EGLN1: variants seen among roughly 807,000 people sequenced by gnomAD.
The protein encoded by EGLN1 is egl nine homolog 1.
A neutral mutation model predicts 38.3 loss-of-function variants in EGLN1; 17 were observed. The observed-to-expected ratio is 0.44, with a 90% CI of 0.30 to 0.67. The LOEUF is 0.67. EGLN1 is among the 30% of genes least tolerant of loss of function. The probability of loss-of-function intolerance (pLI) is 0.08; values close to 1 mark genes in which losing one functional copy is unlikely to be tolerated. For missense variants in EGLN1, 477 were observed against 603.3 expected (o/e 0.79, Z 2.19); for synonymous variants, 283 against 257.5 (o/e 1.10, Z -0.95).
intron 1 of EGLN1, among the ~76,000 whole-genome samples, chr1:231,386,118 T>G (rs1402675530): frequency 8.8e-5 from 3 of 33,968 alleles, no homozygotes; most frequent in Non-Finnish European, 3.8e-4. Flanking sequence ...GCCCGGCTGG[T>G]TTTTTTTTTC....
intron 1 of EGLN1, among the ~76,000 whole-genome samples, chr1:231,418,229 T>C (rs1042297543): frequency 1.3e-5 from 2 of 152,224 alleles, no homozygotes; most frequent in Non-Finnish European, 2.9e-5. Context: ...AAGTGGCTTT[T>C]AAGCCACTAT....
intron 1 of EGLN1, among the ~76,000 whole-genome samples, chr1:231,406,180 T>G (rs1255795603): frequency 7.6e-6 from 1 of 130,976 alleles, no homozygotes; most frequent in African/African-American, 3.0e-5. Context: ...AAAAAAAAAA[T>G]TTCAGGTTAA....
intron 1 of EGLN1, among the ~76,000 whole-genome samples, chr1:231,393,749 TTCC>T (rs1242429224): frequency 6.6e-6 from 1 of 152,154 alleles, no homozygotes; most frequent in Non-Finnish European, 1.5e-5. Flanking sequence ...GCCTCCATGC[TTCC>T]TCATCACACC....
At chr1:231,395,077 T>A (rs1240524908) in intron 1 of EGLN1, among the ~76,000 whole-genome samples, 1 of 152,198 alleles carries the variant, frequency 6.6e-6, no homozygotes, top group African/African-American at 2.4e-5. Context: ...GGGAGCAATA[T>A]TTAGAGAAAA....
intron 1 of EGLN1, among the ~76,000 whole-genome samples, chr1:231,405,614 G>C (rs926652272): frequency 6.6e-6 from 1 of 152,136 alleles, no homozygotes; most frequent in Non-Finnish European, 1.5e-5. Context: ...CAGTAGTAGA[G>C]AGCCAGATGA....
At chr1:231,405,990 A>ACCCAATT (rs1558393533) in intron 1 of EGLN1, among the ~76,000 whole-genome samples, 1 of 12,556 alleles carries the variant, frequency 8.0e-5, no homozygotes, top group African/African-American at 3.1e-4. Flanking sequence ...CCCCACCCCC[A>ACCCAATT]CCCAATTCCC....
chr1:231,408,092 C>T (rs1428798658), intron 1 of EGLN1, among the ~76,000 whole-genome samples: 1 of 152,112 alleles, frequency 6.6e-6, no homozygotes, highest in Non-Finnish European at 1.5e-5. Context: ...ACCTTTCCTT[C>T]CCCTGCCCTT....
intron 1 of EGLN1, among the ~76,000 whole-genome samples, chr1:231,417,558 A>G (rs1340973747): frequency 6.6e-6 from 1 of 152,096 alleles, no homozygotes; most frequent in Non-Finnish European, 1.5e-5. Context: ...CATATCATTG[A>G]GACTCTTCTT....
At chr1:231,403,607 C>G (rs1418508899) in intron 1 of EGLN1, among the ~76,000 whole-genome samples, 1 of 151,540 alleles carries the variant, frequency 6.6e-6, no homozygotes, top group Non-Finnish European at 1.5e-5. Flanking sequence ...CCTGTCTCTA[C>G]TAAAAATACA....
Position 231,421,672 on chromosome 1 carries a change from G to A in EGLN1, c.217C>T (p.Gln73Ter), listed in dbSNP as rs1656621073. ...GCCGGCGGCGCGGGGCCGGAATGCT[G>A]GTGTGGGCCCACTCCGTGGCCGAGG... is the stretch of plus-strand genomic sequence containing the variant. ...GALGHGVGPH[Q>*]HSGPAPPAAV... The change falls in exon 1 of 5, where the codon CAG (glutamine) becomes TAG (stop). Residue 73 changes from glutamine to a stop codon, truncating the protein, a stop_gained. Transcript: ENST00000366641. LOFTEE classifies it high-confidence loss of function. The surrounding 1 kb of genome is among the most constrained non-coding windows in gnomAD (Gnocchi z 5.5). 6.7e-7 allele frequency: 1 copy of A among 1,490,262 alleles called. No homozygotes were observed. Among genetic ancestry groups the A allele is most frequent in the Non-Finnish European group, 8.9e-7 (1 of 1,125,944 alleles). The allele number at this position is 1,490,262 out of a possible 1,614,324, so 92.3% of individuals were successfully genotyped here.
intron 1 of EGLN1, among the ~76,000 whole-genome samples, chr1:231,412,768 G>GT (rs1234784133): frequency 6.6e-6 from 1 of 152,194 alleles, no homozygotes; most frequent in Non-Finnish European, 1.5e-5. Flanking sequence ...TGGCTGGGAA[G>GT]TAAGTGTCAG....
At chr1:231,410,457 G>A (rs2486724) in intron 1 of EGLN1, among the ~76,000 whole-genome samples, 23,026 of 152,140 alleles carry the variant, frequency 0.15, 2,144 homozygotes, top group African/African-American at 0.25. Flanking sequence ...ACTGCAGCCT[G>A]TGAGAAATAG....
intron 1 of EGLN1, chr1:231,420,142 C>T (rs1486074281): frequency 6.6e-6 from 1 of 152,144 alleles, no homozygotes; most frequent in East Asian, 1.9e-4. Flanking sequence ...GGAGGAAAAA[C>T]CGCAATAGTA....
In EGLN1 at chr1:231,366,493, A is replaced by G; in HGVS notation, c.1217-18T>C. 1 of 1,613,272 alleles carries G rather than the reference A, an allele frequency of 6.2e-7. No homozygotes were observed. The highest frequency in any genetic ancestry group is 1.1e-5 in the South Asian group (1 of 91,030). ...TTTTTCACCTGCAAGGTAAAAAAAA[A>G]AAAAATTTTCATTCATTCACTAAGC... On this transcript the variant is annotated intron_variant, in intron 4 of 4. Transcript: ENST00000366641.
chr1:231,399,225 A>ATTAT (rs2102923838), intron 1 of EGLN1, among the ~76,000 whole-genome samples: 1 of 152,220 alleles, frequency 6.6e-6, no homozygotes, highest in Non-Finnish European at 1.5e-5. Flanking sequence ...AGTGTTTCAG[A>ATTAT]CCCTATACTG....
chr1:231,373,174 T>C (rs1026132468), intron 2 of EGLN1, among the ~76,000 whole-genome samples: 1 of 152,192 alleles, frequency 6.6e-6, no homozygotes, highest in Non-Finnish European at 1.5e-5. Flanking sequence ...CTAATTGGTT[T>C]TACAGGGCTT....
chr1:231,391,973 AAAGC>A (rs1688401110), intron 1 of EGLN1, among the ~76,000 whole-genome samples: 1 of 152,222 alleles, frequency 6.6e-6, no homozygotes, highest in African/African-American at 2.4e-5. Context: ...CTAAACATAA[AAAGC>A]CACTTATAAG....
chr1:231,421,693 C>G lies in EGLN1; in HGVS notation c.196G>C (p.Gly66Arg). 4.0e-6 allele frequency: 6 copies of G among 1,511,170 alleles called. No individual in the cohort carries two copies. Among genetic ancestry groups the G allele is most frequent in the Non-Finnish European group, 5.3e-6 (6 of 1,135,668 alleles). 93.6% of individuals were successfully genotyped at this position (1,511,170 alleles called of 1,614,324 possible). Residue 66 changes from glycine (G) to arginine (R), a missense_variant, in exon 1 of 5, where the codon GGC (glycine) becomes CGC (arginine). By Grantham distance (125) the Gly-to-Arg change is moderately radical. Transcript: ENST00000366641. The surrounding 1 kb of genome is among the most constrained non-coding windows in gnomAD (Gnocchi z 5.5). ...LVCQGSEGALGHGVGPHQHSG... is the reference protein window; with the variant it reads ...LVCQGSEGALRHGVGPHQHSG... ...TGCTGGTGTGGGCCCACTCCGTGGCCGAGGGCGCCCTCGCTGCCCTGGCAC... is the reference window on the plus strand; with the variant it reads ...TGCTGGTGTGGGCCCACTCCGTGGCGGAGGGCGCCCTCGCTGCCCTGGCAC...
intron 1 of EGLN1, among the ~76,000 whole-genome samples, chr1:231,379,449 G>A (rs910745389): frequency 2.0e-5 from 3 of 152,096 alleles, no homozygotes; most frequent in African/African-American, 7.2e-5. Flanking sequence ...CACTTCTAAT[G>A]GTAAACCTTG....
Sources: gnomAD v4.1 joint callset for allele counts (sites outside exome capture counted in the v4.1 genomes callset) on GRCh38, gnomAD v4.1.1 for gene constraint, Gnocchi (gnomAD v3.1) non-coding constraint, MANE v1.5 for transcripts, NCBI Gene and HGNC (gene_info 2026-07-23, HGNC 2026-07-21) for gene names.